Variants in BRINP2 observed in about 807,000 individuals in gnomAD.
The protein encoded by BRINP2 is BMP/retinoic acid inducible neural specific 2, also known as BMP/retinoic acid-inducible neural-specific protein 2.
In BRINP2, 21 loss-of-function variants were observed where a neutral mutation model predicts 69.2. The ratio of observed to expected loss-of-function variants is 0.30; its 90% CI spans 0.22 to 0.44. The LOEUF is 0.44. Among genes scored for constraint, BRINP2 ranks in the 20% least tolerant of loss-of-function variants. The pLI, the probability that BRINP2 is intolerant of heterozygous loss-of-function variation, is 1.00. For synonymous variants in BRINP2, 380 were observed against 394.1 expected, an observed-to-expected ratio of 0.96 and a Z score of 0.42; for missense variants, 877 against 986.0, an observed-to-expected ratio of 0.89 and a Z score of 1.48.
At chr1:177,258,817 C>G (rs1292939556) in intron 4 of BRINP2, among the ~76,000 whole-genome samples, 1 of 152,152 alleles carries the variant, frequency 6.6e-6, no homozygotes, top group Non-Finnish European at 1.5e-5. Flanking sequence ...TGATAACAAA[C>G]TTCGTCAATA....
At chr1:177,248,014 TGAC>T (rs900224322) in intron 2 of BRINP2, among the ~76,000 whole-genome samples, 83 of 152,212 alleles carry the variant, frequency 5.5e-4, no homozygotes, top group African/African-American at 2.0e-3. Context: ...ACTTTCCAAA[TGAC>T]AGCCCTATCT....
chr1:177,175,041 A>G (rs1300260089), intron 1 of BRINP2, among the ~76,000 whole-genome samples: 1 of 152,264 alleles, frequency 6.6e-6, no homozygotes, highest in East Asian at 1.9e-4. Flanking sequence ...TTTTACAATC[A>G]GAATCTCCTA....
chr1:177,180,973 T>G (rs755456840), intron 1 of BRINP2, among the ~76,000 whole-genome samples: 1 of 152,232 alleles, frequency 6.6e-6, no homozygotes, highest in Non-Finnish European at 1.5e-5. Context: ...GAGCGCCTGC[T>G]GTGTGCCAGG....
At chr1:177,192,489 CTG>C (rs1229136559) in intron 1 of BRINP2, among the ~76,000 whole-genome samples, 1 of 152,172 alleles carries the variant, frequency 6.6e-6, no homozygotes, top group African/African-American at 2.4e-5. Context: ...GTTTCCAACT[CTG>C]TCTAACTTAT....
Position 177,171,258 on chromosome 1 carries a change from A to G in BRINP2, c.-551A>G, listed in dbSNP as rs367931062. ...AGAGCGGGTGGGTGAGTCTCTTTAG[A>G]GTTGGAAAGAAGGCAAAATCTTGGG... On this transcript the variant is annotated 5_prime_UTR_variant, in exon 1 of 8. Transcript: ENST00000361539. Among the ~76,000 whole-genome samples the G allele has an allele frequency of 4.6e-5, 7 of 152,308 alleles. No individual in the cohort carries two copies. The East Asian group carries it at 1.2e-3, about 25-fold the overall frequency.
chr1:177,191,988 A>C (rs1204998658), intron 1 of BRINP2, among the ~76,000 whole-genome samples: 1 of 152,216 alleles, frequency 6.6e-6, no homozygotes, highest in Non-Finnish European at 1.5e-5. Flanking sequence ...TTAACCTCAA[A>C]TTAAAAATAA....
At chr1:177,251,397 G>C (rs1650575847) in intron 2 of BRINP2, among the ~76,000 whole-genome samples, 1 of 152,170 alleles carries the variant, frequency 6.6e-6, no homozygotes, top group African/African-American at 2.4e-5. Flanking sequence ...AAAAAAATTA[G>C]AATGCAATGA....
chr1:177,172,184 G>A (rs1347082978), intron 1 of BRINP2, among the ~76,000 whole-genome samples: 2 of 152,308 alleles, frequency 1.3e-5, no homozygotes, highest in African/African-American at 4.8e-5. Context: ...CTATATTATC[G>A]TGCTCATAGA....
intron 7 of BRINP2, 100 bp downstream of exon 7, chr1:177,278,885 G>C (rs1332227918): frequency 8.6e-7 from 1 of 1,160,282 alleles, no homozygotes; most frequent in Non-Finnish European, 1.2e-6. Context: ...ATCAGGGAGT[G>C]GTGACTCACA....
At position 177,257,368 on chromosome 1, in the gene BRINP2, C is replaced by T. The variant is rs1650803472; in HGVS notation, c.653C>T (p.Ala218Val). The change falls in exon 4 of 8, where the codon GCC (alanine) becomes GTC (valine). Residue 218 changes from alanine (A) to valine (V), a missense_variant. Coordinates refer to ENST00000361539, the MANE Select transcript of BRINP2 (RefSeq NM_021165.4). ...TLRRLHHIQIATGAIKVTETR... is the reference protein window; with the variant it reads ...TLRRLHHIQIVTGAIKVTETR... Reference sequence around the variant, plus strand: ...CGACGGCTGCACCATATCCAGATAGCCACGGGGGCCATCAAGGTAATGACC... The same window carrying T: ...CGACGGCTGCACCATATCCAGATAGTCACGGGGGCCATCAAGGTAATGACC... 6.2e-7 allele frequency: 1 copy of T among 1,610,228 alleles called. No individual in the cohort carries two copies. Among genetic ancestry groups the T allele is most frequent in the Non-Finnish European group, 8.5e-7 (1 of 1,177,322 alleles).
At chr1:177,226,567 T>A (rs1188976394) in intron 1 of BRINP2, among the ~76,000 whole-genome samples, 1 of 151,484 alleles carries the variant, frequency 6.6e-6, no homozygotes, top group Non-Finnish European at 1.5e-5. Context: ...TGCAACAAAT[T>A]ACCACAAACT....
Position 177,243,863 on chromosome 1 carries a change from G to A in BRINP2, c.270-12056G>A, listed in dbSNP as rs759082080. On this transcript the variant is annotated intron_variant, in intron 2 of 7. Transcript: ENST00000361539. ...GAGTCCTGGATCCTGGTAGACAAGG[G>A]AAGAGAAAGAGCATGAAGGATTTCA... 2.9e-4 allele frequency among the ~76,000 whole-genome samples: 44 copies of A among 151,482 alleles called. 1 individual carries two copies. Among genetic ancestry groups the A allele is most frequent in the Non-Finnish European group, 5.5e-4 (37 of 67,880 alleles).
chr1:177,257,075 T>C, intron 3 of BRINP2, 101 bp from the exon 4 acceptor site: 1 of 1,571,932 alleles, frequency 6.4e-7, no homozygotes, highest in Non-Finnish European at 8.6e-7. Context: ...GGCTGCACTC[T>C]CTCTCAGCTG....
intron 1 of BRINP2, among the ~76,000 whole-genome samples, chr1:177,187,224 T>A (rs1374718396): frequency 7.3e-6 from 1 of 137,670 alleles, no homozygotes. Flanking sequence ...CCCTAGCATA[T>A]TGTGCCCCCC....
chr1:177,179,918 A>G (rs1571882051), intron 1 of BRINP2, among the ~76,000 whole-genome samples: 1 of 152,218 alleles, frequency 6.6e-6, no homozygotes, highest in East Asian at 1.9e-4. Context: ...ATACACACAC[A>G]TCTATACACA....
chr1:177,266,535 G>A (rs1023090243), intron 4 of BRINP2, among the ~76,000 whole-genome samples: 5 of 151,984 alleles, frequency 3.3e-5, no homozygotes, highest in African/African-American at 7.2e-5. Context: ...CGAGGAGGGC[G>A]GATCACGAGG....
rs1304017631 is a variant in BRINP2 at position 177,183,651 on chromosome 1, A to C, written c.-77+11919A>C. 5.3e-5 allele frequency among the ~76,000 whole-genome samples: 8 copies of C among 152,326 alleles called. No homozygotes were observed. The East Asian group carries it at 1.5e-3, about 29-fold the overall frequency. On this transcript the variant is annotated intron_variant, in intron 1 of 7. Transcript: ENST00000361539. ...GACTTGGGAATGTACCAATGTAGCA[A>C]GCTTATATTCAAGAAAGTAAACAGT...
In BRINP2 at chr1:177,240,669, G is replaced by A. The variant is rs574310676; in HGVS notation, c.269+10524G>A. ...ATTATTTTGTCTTCTGCAACCACTAGGATAGATGTGTGCATGTTGGTGCCT... is the reference window on the plus strand; with the variant it reads ...ATTATTTTGTCTTCTGCAACCACTAAGATAGATGTGTGCATGTTGGTGCCT... On this transcript the variant is annotated intron_variant, in intron 2 of 7. Transcript: ENST00000361539. Among the ~76,000 whole-genome samples, 5 of 152,252 alleles carry A rather than the reference G, an allele frequency of 3.3e-5. No homozygotes were observed. In the South Asian group the frequency reaches 1.0e-3, roughly 32 times the overall value.
At chr1:177,227,036 G>T (rs1163258478) in intron 1 of BRINP2, among the ~76,000 whole-genome samples, 1 of 152,124 alleles carries the variant, frequency 6.6e-6, no homozygotes, top group Non-Finnish European at 1.5e-5. Context: ...TAAAATATCT[G>T]CCATCTGGAC....
Sources: gnomAD v4.1 joint callset for allele counts (sites outside exome capture counted in the v4.1 genomes callset) on GRCh38, gnomAD v4.1.1 for gene constraint, MANE v1.5 for transcripts, NCBI Gene and HGNC (gene_info 2026-07-23, HGNC 2026-07-21) for gene names.